CSMD1: variants seen among roughly 807,000 people sequenced by gnomAD.
CSMD1 encodes the protein CUB and Sushi multiple domains 1.
A neutral mutation model predicts 417.5 loss-of-function variants in CSMD1; 213 were observed. The observed-to-expected ratio is 0.51, with a 90% confidence interval of 0.46 to 0.57. The LOEUF (loss-of-function observed/expected upper bound fraction) is 0.57, where lower values mean the gene tolerates loss of function less well. CSMD1 is among the 20% of genes least tolerant of loss of function. The pLI is 0.00. For synonymous variants in CSMD1, 2,862 were observed against 1,736.8 expected (o/e 1.65, Z -16.11); for missense variants, 6,923 against 4,529.7 (o/e 1.53, Z -15.17).
At chr8:4,017,051 G>A (rs1046414742) in intron 4 of CSMD1, among the ~76,000 whole-genome samples, 1 of 152,178 alleles carries the variant, frequency 6.6e-6, no homozygotes, top group Non-Finnish European at 1.5e-5. Flanking sequence ...AACAAAAGCA[G>A]ATATTCATCC....
At chr8:4,745,920 C>A (rs547836267) in intron 1 of CSMD1, among the ~76,000 whole-genome samples, 3 of 152,190 alleles carry the variant, frequency 2.0e-5, no homozygotes, top group Admixed American at 6.5e-5. Context: ...AGTCAGCTAA[C>A]TTTTGAGCCA....
chr8:4,848,890 T>C (rs941745533), intron 1 of CSMD1, among the ~76,000 whole-genome samples: 5 of 152,250 alleles, frequency 3.3e-5, no homozygotes, highest in African/African-American at 9.6e-5. Flanking sequence ...TTCTGGTTTA[T>C]AGTTTTACTA....
At chr8:3,727,447 G>C (rs754212642) in intron 6 of CSMD1, among the ~76,000 whole-genome samples, 147 of 152,294 alleles carry the variant, frequency 9.7e-4, no homozygotes, top group South Asian at 1.2e-3. Flanking sequence ...TCTAACATGA[G>C]GGTGACCAAT....
chr8:4,011,225 T>C (rs563331928), intron 4 of CSMD1, among the ~76,000 whole-genome samples: 2 of 152,340 alleles, frequency 1.3e-5, no homozygotes, highest in East Asian at 1.9e-4. Context: ...CTTTCCTCTC[T>C]GATCAAGTTT....
intron 23 of CSMD1, among the ~76,000 whole-genome samples, chr8:3,314,249 T>TA (rs202207922): frequency 0.019 from 2,840 of 152,044 alleles, 80 homozygotes; most frequent in African/African-American, 0.064. Context: ...TAAAGTATAA[T>TA]AAAAAAATAA....
chr8:4,619,806 A>G (rs926096670), intron 2 of CSMD1, among the ~76,000 whole-genome samples: 2 of 152,160 alleles, frequency 1.3e-5, no homozygotes, highest in Non-Finnish European at 2.9e-5. Context: ...CACATAGCAC[A>G]TATCAGTTGA....
chr8:4,593,945 G>T (rs779709699), intron 2 of CSMD1, among the ~76,000 whole-genome samples: 1 of 152,080 alleles, frequency 6.6e-6, no homozygotes, highest in South Asian at 2.1e-4. Flanking sequence ...AATGTCAGGA[G>T]GATCACGTTC....
rs1337036761 is a variant in CSMD1, at chr8:3,307,717, C to T, written c.3928G>A (p.Ala1310Thr). 2 of 1,613,608 alleles carry T rather than the reference C, an allele frequency of 1.2e-6. No homozygotes were observed. The highest frequency in any genetic ancestry group is 1.7e-6 in the Non-Finnish European group (2 of 1,179,648). Reference sequence around the variant, plus strand: ...TACCTAATGGTCTTTCCTGGGTCTGCCTCTATAATCCAGGTGCAGTGGAGG... The same window carrying T: ...TACCTAATGGTCTTTCCTGGGTCTGTCTCTATAATCCAGGTGCAGTGGAGG... Reference protein sequence around the residue: ...NNLHCTWIIEADPGKTISLHF... With the variant: ...NNLHCTWIIETDPGKTISLHF... The change falls in exon 25 of 70, where the codon GCA becomes ACA. Residue 1310 changes from alanine (A) to threonine (T), a missense_variant. Coordinates refer to ENST00000635120, the MANE Select transcript of CSMD1 (RefSeq NM_033225.6).
chr8:3,526,522 G>C (rs1797760829), intron 10 of CSMD1, among the ~76,000 whole-genome samples: 3 of 152,144 alleles, frequency 2.0e-5, no homozygotes, highest in African/African-American at 7.2e-5. Flanking sequence ...ACACTCAAAA[G>C]CAAGCTCCCA....
At chr8:4,675,441 C>T (rs766541779) in intron 1 of CSMD1, among the ~76,000 whole-genome samples, 3 of 152,048 alleles carry the variant, frequency 2.0e-5, no homozygotes, top group Non-Finnish European at 4.4e-5. Flanking sequence ...TTTGCTGAGC[C>T]TCAGGATTGT....
chr8:4,001,166 G>C (rs566214005), intron 4 of CSMD1, among the ~76,000 whole-genome samples: 1 of 152,222 alleles, frequency 6.6e-6, no homozygotes, highest in Non-Finnish European at 1.5e-5. Context: ...TTATGTGCAT[G>C]GTATAGAATA....
chr8:4,954,339 A>T (rs939030655), intron 1 of CSMD1, among the ~76,000 whole-genome samples: 1 of 152,158 alleles, frequency 6.6e-6, no homozygotes, highest in Non-Finnish European at 1.5e-5. Flanking sequence ...TAAAAAGGTG[A>T]TATTTCCATT....
At chr8:4,314,191 C>G (rs576174389) in intron 3 of CSMD1, among the ~76,000 whole-genome samples, 1 of 151,988 alleles carries the variant, frequency 6.6e-6, no homozygotes, top group African/African-American at 2.4e-5. Context: ...TTGGTTCCCT[C>G]ATTATTTTCA....
chr8:4,340,071 G>C (rs73174291), intron 3 of CSMD1, among the ~76,000 whole-genome samples: 110 of 152,160 alleles, frequency 7.2e-4, no homozygotes, highest in Non-Finnish European at 1.2e-3. Context: ...ACTGACTCTG[G>C]TAACGTAAGT....
intron 1 of CSMD1, among the ~76,000 whole-genome samples, chr8:4,937,929 TATCTA>T (rs1302516773): frequency 6.6e-6 from 1 of 152,214 alleles, no homozygotes; most frequent in Non-Finnish European, 1.5e-5. Flanking sequence ...GCTACCTACT[TATCTA>T]AATTTTGTTT....
In CSMD1 at chr8:3,742,885, A is replaced by G. The variant is rs547038530; in HGVS notation, c.931+11045T>C. 2.0e-5 allele frequency among the ~76,000 whole-genome samples: 3 copies of G among 152,362 alleles called. No individual in the cohort carries two copies. In the East Asian group the frequency reaches 5.8e-4, roughly 29 times the overall value. ...CGTTTCTAAATGTGTTATGACTGCA[A>G]TGGATAACAGAGTATTTCCGTGCGA... On this transcript the variant is annotated intron_variant, in intron 6 of 69. Transcript: ENST00000635120.
At chr8:4,577,809 G>C (rs771431095) in intron 2 of CSMD1, among the ~76,000 whole-genome samples, 1 of 152,132 alleles carries the variant, frequency 6.6e-6, no homozygotes, top group African/African-American at 2.4e-5. Flanking sequence ...ACCTGATTTA[G>C]AGCTACATTC....
chr8:3,322,131 T>C (rs546456025), intron 23 of CSMD1, among the ~76,000 whole-genome samples: 38 of 152,350 alleles, frequency 2.5e-4, no homozygotes, highest in African/African-American at 8.9e-4. Context: ...CAAATACTGT[T>C]ATTTTGGTCA....
intron 5 of CSMD1, among the ~76,000 whole-genome samples, chr8:3,921,870 G>A (rs1809295064): frequency 6.6e-6 from 1 of 152,076 alleles, no homozygotes; most frequent in South Asian, 2.1e-4. Flanking sequence ...GCTGTGGTCT[G>A]GAAGGTTCTG....
Sources: gnomAD v4.1 joint callset for allele counts (sites outside exome capture counted in the v4.1 genomes callset) on GRCh38, gnomAD v4.1.1 for gene constraint, MANE v1.5 for transcripts, NCBI Gene and HGNC (gene_info 2026-07-23, HGNC 2026-07-21) for gene names.